RNF216: variants seen among roughly 807,000 people sequenced by gnomAD.
RNF216 encodes ring finger protein 216.
RNF216 carries 72 observed loss-of-function variants against 110.8 expected under a neutral mutation model. That is an observed-to-expected ratio of 0.65 (90% confidence interval 0.54 to 0.79). The LOEUF is 0.79. RNF216 is among the 30% of genes least tolerant of loss of function. RNF216 has a pLI of 0.00. For synonymous variants in RNF216, 495 were observed against 407.5 expected (o/e 1.21, Z -2.59); for missense variants, 1,342 against 1,141.2 (o/e 1.18, Z -2.54).
At chr7:5,698,400 CACACACACACACACAT>C (rs377309844) in intron 13 of RNF216, among the ~76,000 whole-genome samples, 2,082 of 151,820 alleles carry the variant, frequency 0.014, 35 homozygotes, top group African/African-American at 0.047. Flanking sequence ...CACACACACA[CACACACACACACACAT>C]ACACACACAC....
intron 3 of RNF216, among the ~76,000 whole-genome samples, chr7:5,745,687 GT>G (rs1794995417): frequency 6.6e-6 from 1 of 151,936 alleles, no homozygotes; most frequent in African/African-American, 2.4e-5. Context: ...ATAACTTGAG[GT>G]CAAGAGTTAG....
At chr7:5,743,050 C>T (rs189704580) in intron 3 of RNF216, among the ~76,000 whole-genome samples, 3 of 152,124 alleles carry the variant, frequency 2.0e-5, no homozygotes, top group Admixed American at 2.0e-4. Context: ...ATCACGAGGT[C>T]AGGAGATCGA....
rs76368066 is a variant in RNF216, at chr7:5,658,861, A to G, written c.2062-6351T>C. Among the ~76,000 whole-genome samples the G allele has an allele frequency of 4.0e-3, 612 of 152,264 alleles. 3 individuals carry two copies. The highest frequency in any genetic ancestry group is 0.014 in the African/African-American group (593 of 41,538). On this transcript the variant is annotated intron_variant, in intron 13 of 16. Coordinates refer to ENST00000389902, the MANE Select transcript of RNF216 (RefSeq NM_207111.4). ...GCACAATTTTTCTGATACGGCAAGC[A>G]ATAAAATTGTACATCTGCCGCTCTC... is the stretch of plus-strand genomic sequence containing the variant.
intron 14 of RNF216, among the ~76,000 whole-genome samples, chr7:5,642,047 A>G (rs1787765832): frequency 1.9e-5 from 2 of 104,492 alleles, no homozygotes; most frequent in South Asian, 6.2e-4. Context: ...AAAAAAAAAG[A>G]AAAAAAAAAA....
intron 13 of RNF216, among the ~76,000 whole-genome samples, chr7:5,660,943 G>GTTTTTTTTTTTTTTTTTTTTTTTTTTTT (rs1168463360): frequency 3.3e-5 from 3 of 90,150 alleles, no homozygotes; most frequent in African/African-American, 5.5e-5. Flanking sequence ...GAAGCCTTAG[G>GTTTTTTTTTTTTTTTTTTTTTTTTTTTT]TTTTTTTTTT....
intron 15 of RNF216, among the ~76,000 whole-genome samples, chr7:5,631,864 T>G (rs1417860954): frequency 1.3e-5 from 2 of 152,224 alleles, no homozygotes; most frequent in Non-Finnish European, 2.9e-5. Context: ...GATTCCATTG[T>G]AGAAGGTCAC....
chr7:5,779,621 C>G (rs1796965130), intron 1 of RNF216, among the ~76,000 whole-genome samples: 1 of 149,072 alleles, frequency 6.7e-6, no homozygotes, highest in South Asian at 2.1e-4. Flanking sequence ...TCACTTAAAC[C>G]CAGGAGTTGG....
intron 4 of RNF216, 185 bp from the exon 5 acceptor site, chr7:5,739,537 G>A: frequency 1.5e-6 from 1 of 674,040 alleles, no homozygotes; most frequent in South Asian, 1.5e-5. Context: ...TAGAAGATGA[G>A]GTCTAGAAAG....
intron 4 of RNF216, 67 bp downstream of exon 4, chr7:5,740,906 G>GAA (rs139686645): frequency 1.4e-3 from 1,636 of 1,144,522 alleles, no homozygotes; most frequent in South Asian, 9.3e-3. Flanking sequence ...TTTTTGCAAT[G>GAA]AAAAAAAAAA....
intron 13 of RNF216, among the ~76,000 whole-genome samples, chr7:5,676,739 G>A (rs889495447): frequency 1.3e-5 from 2 of 152,194 alleles, no homozygotes; most frequent in South Asian, 2.1e-4. Flanking sequence ...TAACAACTGG[G>A]AGAGAAAGAA....
chr7:5,657,500 G>C (rs1243021636), intron 13 of RNF216, among the ~76,000 whole-genome samples: 2 of 152,154 alleles, frequency 1.3e-5, no homozygotes, highest in Non-Finnish European at 2.9e-5. Context: ...CCAGGAGGTA[G>C]TGGTTGCGGT....
At chr7:5,750,674 A>G (rs1334867985) in intron 3 of RNF216, among the ~76,000 whole-genome samples, 2 of 152,204 alleles carry the variant, frequency 1.3e-5, no homozygotes, top group African/African-American at 2.4e-5. Flanking sequence ...AGGATGGCCA[A>G]TGCCACAACC....
chr7:5,704,629 T>G (rs1792173850), intron 13 of RNF216, among the ~76,000 whole-genome samples: 1 of 152,192 alleles, frequency 6.6e-6, no homozygotes, highest in Non-Finnish European at 1.5e-5. Flanking sequence ...AAGAAAACCC[T>G]TTCCTCATGG....
intron 15 of RNF216, among the ~76,000 whole-genome samples, chr7:5,639,497 A>G (rs1189684920): frequency 6.6e-6 from 1 of 151,550 alleles, no homozygotes; most frequent in Non-Finnish European, 1.5e-5. Context: ...AGAGTCTCAC[A>G]TTGTCACCCA....
intron 13 of RNF216, among the ~76,000 whole-genome samples, chr7:5,709,824 G>T (rs1212006069): frequency 3.3e-5 from 5 of 152,136 alleles, no homozygotes; most frequent in Admixed American, 3.3e-4. Context: ...GCGCAATCAT[G>T]GCTCAGTGCA....
intron 13 of RNF216, among the ~76,000 whole-genome samples, chr7:5,671,427 T>C (rs947228484): frequency 6.6e-6 from 1 of 152,178 alleles, no homozygotes; most frequent in African/African-American, 2.4e-5. Context: ...AATGACTGTA[T>C]TTGGAGACAG....
chr7:5,741,464 T>C lies in RNF216; in HGVS notation c.553A>G (p.Ser185Gly), dbSNP rs1333211922. The C allele has an allele frequency of 6.2e-7, 1 of 1,614,100 alleles. No individual in the cohort carries two copies. The highest frequency in any genetic ancestry group is 1.3e-5 in the African/African-American group (1 of 74,938). ...GGATCGCTTTCTGTGTAAAGAAGGC[T>C]ACCTTCTTCCAAGATGATGACTTTC... ...EQKVIILEEGSLLYTESDPLE... is the reference protein window; with the variant it reads ...EQKVIILEEGGLLYTESDPLE... Residue 185 changes from serine to glycine, a missense_variant, in exon 4 of 17, where the codon AGC becomes GGC. Ser to Gly is a moderately conservative substitution (Grantham distance 56). Coordinates refer to ENST00000389902, the MANE Select transcript of RNF216 (RefSeq NM_207111.4).
chr7:5,626,670 TAAAA>T (rs71547783), intron 15 of RNF216, among the ~76,000 whole-genome samples: 1 of 140,950 alleles, frequency 7.1e-6, no homozygotes, highest in Non-Finnish European at 1.6e-5. Context: ...AAACTTGTGT[TAAAA>T]AAAAAAAAAA....
chr7:5,777,484 T>C (rs898306540), intron 1 of RNF216: 1 of 152,132 alleles, frequency 6.6e-6, no homozygotes, highest in Non-Finnish European at 1.5e-5. Flanking sequence ...GAGCCAACAG[T>C]ACCTAGGGGG....
Sources: allele counts gnomAD v4.1 joint callset (sites outside exome capture counted in the v4.1 genomes callset), GRCh38; gene constraint gnomAD v4.1.1; transcripts MANE v1.5; gene names NCBI Gene and HGNC (gene_info 2026-07-23, HGNC 2026-07-21).